SDK1: variants seen among roughly 807,000 people sequenced by gnomAD.
The protein encoded by SDK1 is sidekick cell adhesion molecule 1.
Under a neutral mutation model 245.5 loss-of-function variants are expected in SDK1, and 157 were observed. The observed-to-expected ratio is 0.64, with a 90% CI of 0.56 to 0.73. SDK1 has a LOEUF of 0.73. Among genes scored for constraint, SDK1 ranks in the 30% least tolerant of loss-of-function variants. SDK1 has a pLI of 0.00. For synonymous variants in SDK1, 1,647 were observed against 1,278.5 expected (o/e 1.29, Z -6.15); for missense variants, 3,583 against 3,002.3 (o/e 1.19, Z -4.52).
intron 1 of SDK1, among the ~76,000 whole-genome samples, chr7:3,313,556 A>T (rs115931459): frequency 6.6e-6 from 1 of 152,322 alleles, no homozygotes; most frequent in East Asian, 1.9e-4. Flanking sequence ...CATTGTTGCA[A>T]TGTGCCCCTT....
intron 5 of SDK1, among the ~76,000 whole-genome samples, chr7:3,845,074 A>T (rs1031901851): frequency 6.6e-6 from 1 of 152,210 alleles, no homozygotes. Flanking sequence ...CCAAAGGTGC[A>T]GCTTCGGAGA....
intron 1 of SDK1, among the ~76,000 whole-genome samples, chr7:3,339,103 A>G (rs1476191817): frequency 6.6e-6 from 1 of 152,182 alleles, no homozygotes; most frequent in Non-Finnish European, 1.5e-5. Flanking sequence ...AAAGTAAAGG[A>G]TGGAAAAAGA....
intron 1 of SDK1, chr7:3,338,727 C>G (rs1023539795): frequency 2.3e-5 from 4 of 175,508 alleles, no homozygotes; most frequent in African/African-American, 7.2e-5. Flanking sequence ...AGCATGGAAG[C>G]CTGTTTTTCC....
At chr7:3,303,286 C>A (rs1196034253) in intron 1 of SDK1, among the ~76,000 whole-genome samples, 5 of 152,174 alleles carry the variant, frequency 3.3e-5, no homozygotes, top group African/African-American at 1.2e-4. Flanking sequence ...GTGAAGAAAT[C>A]TAAATCACTT....
intron 5 of SDK1, among the ~76,000 whole-genome samples, chr7:3,921,168 C>A (rs1397782956): frequency 2.6e-5 from 4 of 152,144 alleles, no homozygotes; most frequent in African/African-American, 9.7e-5. Flanking sequence ...AGACATGTGG[C>A]TATGAACATT....
chr7:4,126,538 T>C (rs1419214008), intron 25 of SDK1, among the ~76,000 whole-genome samples: 1 of 152,092 alleles, frequency 6.6e-6, no homozygotes, highest in Admixed American at 6.5e-5. Flanking sequence ...CTGGCCAACA[T>C]GGTAAAACCC....
chr7:3,470,147 G>C (rs1286199068), intron 1 of SDK1, among the ~76,000 whole-genome samples: 1 of 152,058 alleles, frequency 6.6e-6, no homozygotes, highest in Non-Finnish European at 1.5e-5. Flanking sequence ...ATTTTCAGCT[G>C]GTCTAGTTTG....
At chr7:3,548,695 T>C (rs1469774015) in intron 1 of SDK1, among the ~76,000 whole-genome samples, 1 of 152,226 alleles carries the variant, frequency 6.6e-6, no homozygotes, top group East Asian at 1.9e-4. Flanking sequence ...TTTATTCTTT[T>C]GTCATGTTTA....
chr7:3,580,706 C>T (rs146634424), intron 1 of SDK1, among the ~76,000 whole-genome samples: 23 of 152,186 alleles, frequency 1.5e-4, no homozygotes, highest in East Asian at 3.9e-4. Context: ...TGGTGGCTCA[C>T]GCCTGTAATC....
chr7:3,632,810 C>G (rs955930282), intron 2 of SDK1, among the ~76,000 whole-genome samples: 1 of 152,184 alleles, frequency 6.6e-6, no homozygotes, highest in Non-Finnish European at 1.5e-5. Flanking sequence ...ATATATATCT[C>G]TCTCTTAACA....
intron 4 of SDK1, among the ~76,000 whole-genome samples, chr7:3,695,738 T>G (rs1414380001): frequency 6.6e-6 from 1 of 152,154 alleles, no homozygotes; most frequent in Non-Finnish European, 1.5e-5. Flanking sequence ...CATGCACTTA[T>G]TATTCCGGTG....
At chr7:4,069,270 G>A (rs1011520334) in intron 20 of SDK1, among the ~76,000 whole-genome samples, 1 of 152,146 alleles carries the variant, frequency 6.6e-6, no homozygotes, top group Non-Finnish European at 1.5e-5. Context: ...CCCACTGCCT[G>A]GCCCAGAACA....
At chr7:3,801,843 T>A (rs1241852935) in intron 4 of SDK1, among the ~76,000 whole-genome samples, 3 of 152,212 alleles carry the variant, frequency 2.0e-5, no homozygotes, top group Non-Finnish European at 4.4e-5. Context: ...CTCCCTGTTT[T>A]GTGATTCGAT....
chr7:3,507,113 C>T (rs1347217827), intron 1 of SDK1, among the ~76,000 whole-genome samples: 1 of 152,100 alleles, frequency 6.6e-6, no homozygotes, highest in African/African-American at 2.4e-5. Context: ...ACCTGGTCTT[C>T]TAGGGTGTCT....
rs552651003 is a variant in SDK1, at chr7:3,896,897, G to C, written c.848-54026G>C. On this transcript the variant is annotated intron_variant, in intron 5 of 44. Transcript: ENST00000404826. Reference sequence around the variant, plus strand: ...TACCTGAGACTGGGTAATTTATAAAGAGAAGAGGTAGAATTGACTCACAGT... The same window carrying C: ...TACCTGAGACTGGGTAATTTATAAACAGAAGAGGTAGAATTGACTCACAGT... Among the ~76,000 whole-genome samples, 7 of 152,286 alleles carry C rather than the reference G, an allele frequency of 4.6e-5. No individual in the cohort carries two copies. In the South Asian group the frequency reaches 1.5e-3, roughly 32 times the overall value.
chr7:4,162,087 T>G (rs1319910464), intron 32 of SDK1, among the ~76,000 whole-genome samples: 1 of 152,036 alleles, frequency 6.6e-6, no homozygotes, highest in African/African-American at 2.4e-5. Flanking sequence ...ACGTAGAGAA[T>G]GAACTTGACT....
Position 4,265,625 on chromosome 7 carries a change from AGGTGTATTTCACTGGTGCAATGGCTT to A in SDK1, c.*244_*269del. 1 of 1,325,794 alleles carries A rather than the reference AGGTGTATTTCACTGGTGCAATGGCTT, an allele frequency of 7.5e-7. No homozygotes were observed. The highest frequency in any genetic ancestry group is 9.6e-7 in the Non-Finnish European group (1 of 1,046,228). 82.1% of individuals were successfully genotyped at this position (1,325,794 alleles called of 1,614,324 possible). On this transcript the variant is annotated 3_prime_UTR_variant, in exon 45 of 45. Transcript: ENST00000404826. ...TTCTTTTTCTTTTCTTTTTAAGAGAAGGTGTATTTCACTGGTGCAATGGCTTGGCACCTCCGGGGCCTGGGAGGACC... is the reference window on the plus strand; with the variant it reads ...TTCTTTTTCTTTTCTTTTTAAGAGAAGGCACCTCCGGGGCCTGGGAGGACC...
chr7:4,242,089 A>G (rs906324541), intron 43 of SDK1, among the ~76,000 whole-genome samples, 176 bp downstream of exon 43: 2 of 152,130 alleles, frequency 1.3e-5, no homozygotes, highest in East Asian at 1.9e-4. Flanking sequence ...TCTAGGAGGG[A>G]CGGGGTCGGC....
intron 1 of SDK1, among the ~76,000 whole-genome samples, chr7:3,603,637 A>G (rs1373243767): frequency 1.3e-5 from 2 of 152,146 alleles, no homozygotes; most frequent in African/African-American, 4.8e-5. Flanking sequence ...AACAGGGACA[A>G]TTTGACTTCC....
Sources: allele counts gnomAD v4.1 joint callset (sites outside exome capture counted in the v4.1 genomes callset), GRCh38; gene constraint gnomAD v4.1.1; transcripts MANE v1.5; gene names NCBI Gene and HGNC (gene_info 2026-07-23, HGNC 2026-07-21).